The following BAG4 variants were observed in gnomAD, a reference collection of about 807,000 sequenced individuals.
BAG4 encodes the protein BAG family molecular chaperone regulator 4.
A neutral mutation model predicts 52.1 loss-of-function variants in BAG4; 28 were observed. The ratio of observed to expected loss-of-function variants is 0.54; its 90% confidence interval spans 0.40 to 0.74. The LOEUF is 0.74. Ranked by LOEUF, BAG4 falls within the 30% of genes least tolerant of loss-of-function variation. The probability of loss-of-function intolerance (pLI) is 0.00; values close to 1 mark genes in which losing one functional copy is unlikely to be tolerated. For synonymous variants in BAG4, 208 were observed against 217.0 expected (o/e 0.96, Z 0.37); for missense variants, 525 against 572.0 (o/e 0.92, Z 0.84).
chr8:38,202,278 T>G (rs1255496986), intron 2 of BAG4: 2 of 152,254 alleles, frequency 1.3e-5, no homozygotes, highest in Non-Finnish European at 2.9e-5. Flanking sequence ...TTTTCTTTCT[T>G]TTTTTGAGAC....
chr8:38,192,838 A>T (rs768998879), intron 2 of BAG4, 43 bp downstream of exon 2: 3 of 1,449,996 alleles, frequency 2.1e-6, no homozygotes, highest in Non-Finnish European at 2.8e-6. Context: ...TTTCTTAATG[A>T]ATAGATTTAT....
intron 2 of BAG4, among the ~76,000 whole-genome samples, chr8:38,194,867 T>TTTTTG (rs1803538314): frequency 7.0e-6 from 1 of 142,586 alleles, no homozygotes; most frequent in African/African-American, 2.6e-5. Flanking sequence ...TTTTTTGTTT[T>TTTTTG]TTTTTTTGGC....
At chr8:38,198,092 T>C (rs1258253507) in intron 2 of BAG4, among the ~76,000 whole-genome samples, 1 of 151,992 alleles carries the variant, frequency 6.6e-6, no homozygotes, top group African/African-American at 2.4e-5. Context: ...TGTACAAAAA[T>C]GTTTCCTTGG....
chr8:38,209,382 TG>T (rs1803830446), intron 4 of BAG4, 115 bp downstream of exon 4: 1 of 1,406,868 alleles, frequency 7.1e-7, no homozygotes, highest in South Asian at 1.4e-5. Flanking sequence ...AAAAAGTTGG[TG>T]ACTACTTATC....
chr8:38,200,500 C>T (rs1803643415), intron 2 of BAG4, among the ~76,000 whole-genome samples: 1 of 152,076 alleles, frequency 6.6e-6, no homozygotes, highest in Non-Finnish European at 1.5e-5. Context: ...TCTTTTTCTT[C>T]TTCCATATGG....
intron 1 of BAG4, 48 bp downstream of exon 1, chr8:38,177,187 G>A (rs1803174224): frequency 6.3e-7 from 1 of 1,594,838 alleles, no homozygotes; most frequent in Admixed American, 1.9e-5. Flanking sequence ...GGCCCTTGGG[G>A]CTGGGGTTCG....
chr8:38,198,199 A>G (rs1302244328), intron 2 of BAG4, among the ~76,000 whole-genome samples: 3 of 151,042 alleles, frequency 2.0e-5, no homozygotes, highest in Non-Finnish European at 4.4e-5. Flanking sequence ...CCTGGCTAAT[A>G]TGGTGAAACC....
chr8:38,194,835 GTGTTTTTTTT>G (rs1241534002), intron 2 of BAG4, among the ~76,000 whole-genome samples: 3 of 145,616 alleles, frequency 2.1e-5, no homozygotes, highest in African/African-American at 5.0e-5. Flanking sequence ...TATTACTGGG[GTGTTTTTTTT>G]TGTTTTTTTT....
chr8:38,202,155 C>T (rs1803689973), intron 2 of BAG4: 1 of 151,904 alleles, frequency 6.6e-6, no homozygotes, highest in Non-Finnish European at 1.5e-5. Context: ...TCTCTGGAAG[C>T]AGAAGATATT....
At position 38,197,897 on chromosome 8, in the gene BAG4, A is replaced by T. The variant is rs550788738; in HGVS notation, c.378+5102A>T. 9.9e-5 allele frequency among the ~76,000 whole-genome samples: 15 copies of T among 151,960 alleles called. No individual in the cohort carries two copies. In the East Asian group the frequency reaches 2.9e-3, roughly 30 times the overall value. ...GTGTTTTTAGTAGAGGCAGGGTTTC[A>T]TCATGTTGGCCAGGCTGGTCTTGAA... On this transcript the variant is annotated intron_variant, in intron 2 of 4. Transcript: ENST00000287322.
chr8:38,205,141 C>A (rs983580137), intron 2 of BAG4, among the ~76,000 whole-genome samples: 1 of 151,626 alleles, frequency 6.6e-6, no homozygotes, highest in African/African-American at 2.4e-5. Context: ...AACGATCCTC[C>A]TGCCTCAGCC....
chr8:38,183,951 TGGAGAATTA>T (rs1803318866), intron 1 of BAG4, among the ~76,000 whole-genome samples: 1 of 152,156 alleles, frequency 6.6e-6, no homozygotes, highest in Non-Finnish European at 1.5e-5. Flanking sequence ...TTCTCCCAAG[TGGAGAATTA>T]CATTTAGAAA....
intron 1 of BAG4, among the ~76,000 whole-genome samples, chr8:38,182,486 A>C (rs778303086): frequency 1.6e-4 from 24 of 152,248 alleles, no homozygotes; most frequent in Non-Finnish European, 2.9e-4. Context: ...CTCAGAAGAA[A>C]GGAAATAAAT....
intron 1 of BAG4, among the ~76,000 whole-genome samples, chr8:38,186,177 C>G (rs377481943): frequency 6.6e-6 from 1 of 152,108 alleles, no homozygotes. Context: ...CACCCAGTCC[C>G]TACTCCTAGG....
chr8:38,207,698 C>A lies in BAG4; in HGVS notation c.565C>A (p.Pro189Thr), dbSNP rs1449094376. 6.2e-7 allele frequency: 1 copy of A among 1,614,066 alleles called. No individual in the cohort carries two copies. Among genetic ancestry groups the A allele is most frequent in the Admixed American group, 1.7e-5 (1 of 60,022 alleles). Residue 189 changes from proline to threonine, a missense_variant, in exon 3 of 5, where the codon CCC becomes ACC. This residue lies in a region of BAG4 where 287 missense variants were observed against 266.1 expected (regional missense o/e 1.08). Transcript: ENST00000287322. ...AACTCCAGTCTCTCGTTGGATCTAT[C>A]CCCAGCAGGACTGTCAGACTGAAGC... ...SPTPVSRWIY[P>T]QQDCQTEAPP...
intron 2 of BAG4, chr8:38,204,261 T>G (rs1162197102): frequency 6.6e-6 from 1 of 152,352 alleles, no homozygotes; most frequent in Non-Finnish European, 1.5e-5. Context: ...GGCTCACACC[T>G]GTAATCCCAG....
At chr8:38,182,908 T>C (rs963011555) in intron 1 of BAG4, among the ~76,000 whole-genome samples, 1 of 152,154 alleles carries the variant, frequency 6.6e-6, no homozygotes, top group African/African-American at 2.4e-5. Context: ...AAAAAAATTA[T>C]GGCATAATTT....
At chr8:38,183,036 C>G (rs897983649) in intron 1 of BAG4, among the ~76,000 whole-genome samples, 1 of 100,112 alleles carries the variant, frequency 1.0e-5, no homozygotes, top group African/African-American at 3.7e-5. Context: ...ACTGACCCAT[C>G]TTTTTTTTTT....
Position 38,212,867 on chromosome 8 carries a change from G to A in BAG4, c.*2374G>A, listed in dbSNP as rs187376240. On this transcript the variant is annotated 3_prime_UTR_variant, in exon 5 of 5. Coordinates refer to ENST00000287322, the MANE Select transcript of BAG4 (RefSeq NM_004874.4). ...TATCCATTGGCAGATCTTGCTTGTG[G>A]CAGTTACTACTGTGGTGTTCTAATG... 3 of 152,260 alleles carry A rather than the reference G, an allele frequency of 2.0e-5. No homozygotes were observed. In the East Asian group the frequency reaches 5.8e-4, roughly 29 times the overall value. The allele number at this position is 152,260 out of a possible 1,614,324, so 9.4% of individuals were successfully genotyped here.
Sources: allele counts gnomAD v4.1 joint callset (sites outside exome capture counted in the v4.1 genomes callset), GRCh38; gene constraint gnomAD v4.1.1; regional missense constraint gnomAD v4.1.1; transcripts MANE v1.5; gene names NCBI Gene and HGNC (gene_info 2026-07-23, HGNC 2026-07-21).